The following ZNF18 variants were observed in gnomAD, a reference collection of about 807,000 sequenced individuals.
ZNF18 encodes the protein heart development-specific gene 1 protein.
Under a neutral mutation model 58.1 loss-of-function variants are expected in ZNF18, and 42 were observed. That is an observed-to-expected ratio of 0.72 (90% CI 0.56 to 0.93). The LOEUF (loss-of-function observed/expected upper bound fraction) is 0.93. Among genes scored for constraint, ZNF18 ranks in the 40% least tolerant of loss-of-function variants. The pLI is 0.00. For synonymous variants in ZNF18, 231 were observed against 239.8 expected, an observed-to-expected ratio of 0.96 and a Z score of 0.34; for missense variants, 540 against 644.2, an observed-to-expected ratio of 0.84 and a Z score of 1.75.
chr17:11,989,279 T>A (rs1567604687), intron 4 of ZNF18, among the ~76,000 whole-genome samples: 1 of 152,030 alleles, frequency 6.6e-6, no homozygotes, highest in Non-Finnish European at 1.5e-5. Context: ...GAGCTATGAC[T>A]GCACAACTGC....
At chr17:11,991,577 T>TTCCCC (rs2151483511) in intron 2 of ZNF18, among the ~76,000 whole-genome samples, 1 of 152,316 alleles carries the variant, frequency 6.6e-6, no homozygotes, top group African/African-American at 2.4e-5. Context: ...CCAGCTGTGG[T>TTCCCC]ATAATAAGAA....
At chr17:12,017,181 A>G in the ZNF18 span, among the ~76,000 whole-genome samples, 1 of 151,772 alleles carries the variant, frequency 6.6e-6, no homozygotes, top group Non-Finnish European at 1.5e-5. Context: ...TGGGCAACAG[A>G]GCAAGACTCT....
the ZNF18 span, among the ~76,000 whole-genome samples, chr17:12,005,394 G>T: frequency 6.6e-6 from 1 of 152,156 alleles, no homozygotes; most frequent in African/African-American, 2.4e-5. Context: ...AAGCCCATCG[G>T]TAAAAATTAT....
At chr17:11,984,669 C>T (rs1316932527) in intron 4 of ZNF18, among the ~76,000 whole-genome samples, 2 of 152,040 alleles carry the variant, frequency 1.3e-5, no homozygotes, top group African/African-American at 4.8e-5. Context: ...CACATGCCAC[C>T]GTGCCTGGCT....
At chr17:12,010,476 C>T in the ZNF18 span, among the ~76,000 whole-genome samples, 2 of 151,542 alleles carry the variant, frequency 1.3e-5, no homozygotes, top group South Asian at 2.1e-4. Flanking sequence ...AGTGCAGTGG[C>T]GCAATCTTGG....
chr17:11,983,879 C>G (rs781772700), intron 5 of ZNF18, among the ~76,000 whole-genome samples: 2 of 152,174 alleles, frequency 1.3e-5, no homozygotes, highest in African/African-American at 4.8e-5. Flanking sequence ...AAAGAAGTTA[C>G]TCCGTGCAAT....
intron 6 of ZNF18, among the ~76,000 whole-genome samples, chr17:11,981,017 C>T (rs928492558): frequency 3.3e-5 from 5 of 152,132 alleles, no homozygotes; most frequent in Non-Finnish European, 7.3e-5. Flanking sequence ...CCCCTGCTGA[C>T]CTGTTTTAAC....
chr17:11,992,542 C>A lies in ZNF18; in HGVS notation c.288G>T (p.Glu96Asp). ...LEQFLTILPG[E>D]IQMWVRKQCP... is the part of the protein sequence containing the mutation. ...ACTGTTTCCGCACCCACATCTGGAT[C>A]TCCCCAGGCAGGATGGTCAGAAACT... The change falls in exon 2 of 7, where the codon GAG becomes GAT. Residue 96 changes from glutamate (E) to aspartate (D), a missense_variant. Coordinates refer to ENST00000580306, the MANE Select transcript of ZNF18 (RefSeq NM_001303281.2). The A allele has an allele frequency of 6.2e-7, 1 of 1,614,220 alleles. No homozygotes were observed.
chr17:11,999,323 C>T (rs79829724), upstream of ZNF18, among the ~76,000 whole-genome samples: 2,384 of 152,236 alleles, frequency 0.016, 46 homozygotes, highest in African/African-American at 0.046. Context: ...GCACTCAAAT[C>T]CAGGGAGCTA....
Position 11,979,367 on chromosome 17 carries a change from G to GAGTC in ZNF18, c.863-627_863-624dup, listed in dbSNP as rs1385387141. ...TGGTGGCATTAATCAATGTAATATA[G>GAGTC]AGTCTCCCTCTCCCATTCATAAGAC... On this transcript the variant is annotated intron_variant, in intron 6 of 6. Transcript: ENST00000580306. Among the ~76,000 whole-genome samples, 4 of 152,298 alleles carry GAGTC rather than the reference G, an allele frequency of 2.6e-5. No homozygotes were observed. The East Asian group carries it at 7.7e-4, about 29-fold the overall frequency.
At chr17:11,992,998 C>A in intron 1 of ZNF18, 87 bp from the exon 2 acceptor site, 1 of 746,636 alleles carries the variant, frequency 1.3e-6, no homozygotes, top group Non-Finnish European at 2.1e-6. Flanking sequence ...CCCGAGAAGC[C>A]ATGGGGTCAA....
At chr17:11,990,329 G>C in intron 4 of ZNF18, 133 bp downstream of exon 4, 1 of 673,968 alleles carries the variant, frequency 1.5e-6, no homozygotes, top group Non-Finnish European at 2.4e-6. Flanking sequence ...TCTAGAAAAA[G>C]TAAACTAACA....
chr17:11,979,217 A>G (rs1967188524), intron 6 of ZNF18, among the ~76,000 whole-genome samples: 1 of 152,088 alleles, frequency 6.6e-6, no homozygotes. Flanking sequence ...AACTATGAGC[A>G]TACATTTCCT....
chr17:12,018,957 T>C, the ZNF18 span, among the ~76,000 whole-genome samples: 1 of 150,926 alleles, frequency 6.6e-6, no homozygotes, highest in East Asian at 1.9e-4. Context: ...ACTATATATA[T>C]ACATATTTTT....
upstream of ZNF18, among the ~76,000 whole-genome samples, chr17:12,000,447 G>A (rs890069684): frequency 4.6e-5 from 7 of 152,242 alleles, no homozygotes; most frequent in Admixed American, 1.3e-4. Flanking sequence ...GGTGGTTCAC[G>A]CCTGTAATCC....
the ZNF18 span, chr17:12,021,097 G>A: frequency 1.4e-6 from 1 of 708,264 alleles, no homozygotes; most frequent in African/African-American, 1.9e-5. Flanking sequence ...CCCGGCTGAG[G>A]AAGCCACGGC....
chr17:12,006,231 C>A, the ZNF18 span, among the ~76,000 whole-genome samples: 3 of 152,124 alleles, frequency 2.0e-5, no homozygotes, highest in Admixed American at 2.0e-4. Flanking sequence ...GATAATAATA[C>A]AGGGAGTAAT....
the ZNF18 span, among the ~76,000 whole-genome samples, chr17:12,008,254 T>C: frequency 6.6e-6 from 1 of 152,218 alleles, no homozygotes; most frequent in African/African-American, 2.4e-5. Flanking sequence ...ACTGGCAGCA[T>C]GTATTTTCTT....
intron 6 of ZNF18, among the ~76,000 whole-genome samples, chr17:11,982,657 A>AGT (rs143602913): frequency 0.15 from 20,955 of 136,556 alleles, 1,622 homozygotes; most frequent in East Asian, 0.26. Context: ...TATATATAAA[A>AGT]GTGTGTGTGT....
Sources: gnomAD v4.1 joint callset for allele counts (sites outside exome capture counted in the v4.1 genomes callset) on GRCh38, gnomAD v4.1.1 for gene constraint, MANE v1.5 for transcripts, NCBI Gene and HGNC (gene_info 2026-07-23, HGNC 2026-07-21) for gene names.